The following MPHOSPH8 variants were observed in gnomAD, a reference collection of about 807,000 sequenced individuals.
MPHOSPH8 encodes the protein M-phase phosphoprotein 8, also known as M-phase phosphoprotein, mpp.
MPHOSPH8 carries 45 observed loss-of-function variants against 87.3 expected under a neutral mutation model. That is an observed-to-expected ratio of 0.52 (90% CI 0.41 to 0.66). The LOEUF (loss-of-function observed/expected upper bound fraction) is 0.66, where lower values mean the gene tolerates loss of function less well. Among genes scored for constraint, MPHOSPH8 ranks in the 30% least tolerant of loss-of-function variants. MPHOSPH8 has a pLI of 0.00. For missense variants in MPHOSPH8, 883 were observed against 1,020.2 expected (o/e 0.87, Z 1.83); for synonymous variants, 366 against 376.9 (o/e 0.97, Z 0.33).
intron 5 of MPHOSPH8, among the ~76,000 whole-genome samples, chr13:19,652,624 A>G (rs1430022488): frequency 1.3e-5 from 2 of 152,094 alleles, no homozygotes; most frequent in African/African-American, 2.4e-5. Context: ...CAGGGAGCCA[A>G]GTGGTCTGGC....
chr13:19,655,842 C>A (rs950788059), intron 5 of MPHOSPH8, among the ~76,000 whole-genome samples: 1 of 152,128 alleles, frequency 6.6e-6, no homozygotes, highest in Non-Finnish European at 1.5e-5. Context: ...GTCACCCAGG[C>A]GGGATGCCTC....
intron 2 of MPHOSPH8, among the ~76,000 whole-genome samples, chr13:19,645,792 C>CAA (rs1301979430): frequency 6.6e-6 from 1 of 151,540 alleles, no homozygotes; most frequent in African/African-American, 2.4e-5. Flanking sequence ...TCTCTACCCC[C>CAA]AAGTCATTTA....
At chr13:19,634,634 A>G (rs1415794305) in intron 1 of MPHOSPH8, among the ~76,000 whole-genome samples, 1 of 151,908 alleles carries the variant, frequency 6.6e-6, no homozygotes, top group Non-Finnish European at 1.5e-5. Context: ...TCTCTGGGAA[A>G]GCTTTTTTTG....
chr13:19,661,846 G>A lies in MPHOSPH8; in HGVS notation c.1932+8G>A. 2 of 1,599,712 alleles carry A rather than the reference G, an allele frequency of 1.3e-6. No individual in the cohort carries two copies. Among genetic ancestry groups the A allele is most frequent in the Non-Finnish European group, 1.7e-6 (2 of 1,171,982 alleles). On this transcript the variant is annotated splice_region_variant and intron_variant, in intron 8 of 13. Coordinates refer to ENST00000361479, the MANE Select transcript of MPHOSPH8 (RefSeq NM_017520.4). ...ATTCATGCTGCAGAGAAGGTTTGTGGCTTCTTATGCATCAGTTTCAGAGCT... is the reference window on the plus strand; with the variant it reads ...ATTCATGCTGCAGAGAAGGTTTGTGACTTCTTATGCATCAGTTTCAGAGCT...
intron 10 of MPHOSPH8, 44 bp downstream of exon 10, chr13:19,666,623 C>T (rs1037532377): frequency 6.6e-6 from 10 of 1,520,416 alleles, no homozygotes; most frequent in East Asian, 2.3e-5. Context: ...ACATATCATA[C>T]ATCTGTTTAT....
In MPHOSPH8 at chr13:19,659,198, T is replaced by C. The variant is rs756517272; in HGVS notation, c.1703-3T>C. The stretch of plus-strand genomic sequence containing the variant: ...ATCTAACTTATTTTTTCTTTCATTT[T>C]AGATGTGTTAAGGGATGCTGTGAAA... On this transcript the variant is annotated splice_polypyrimidine_tract_variant and splice_region_variant and intron_variant, in intron 6 of 13. Coordinates refer to ENST00000361479, the MANE Select transcript of MPHOSPH8 (RefSeq NM_017520.4). 2 of 1,609,936 alleles carry C rather than the reference T, an allele frequency of 1.2e-6. No individual in the cohort carries two copies. Among genetic ancestry groups the C allele is most frequent in the Admixed American group, 3.4e-5 (2 of 59,052 alleles).
At chr13:19,645,199 C>T (rs1448836713) in intron 2 of MPHOSPH8, among the ~76,000 whole-genome samples, 1 of 152,160 alleles carries the variant, frequency 6.6e-6, no homozygotes, top group Non-Finnish European at 1.5e-5. Flanking sequence ...GCAGCAGCAG[C>T]CTGGGCTTTT....
rs1445470992 is a variant in MPHOSPH8 at position 19,671,984 on chromosome 13, C to G, written c.*109C>G. The G allele has an allele frequency of 1.9e-5, 22 of 1,132,724 alleles. 1 individual carries two copies. Among genetic ancestry groups the G allele is most frequent in the Non-Finnish European group, 2.9e-5 (22 of 761,846 alleles). The allele number at this position is 1,132,724 out of a possible 1,614,324, so 70.2% of individuals were successfully genotyped here. A position where few individuals can be genotyped will look rare whatever the true frequency, so the allele number is the denominator to read the frequency against. ...TCTATGTAAAGTTTTGTCTGTAAAC[C>G]TCTTGCAGTTAAGCCTGTTGTCTGT... is the stretch of plus-strand genomic sequence containing the variant. On this transcript the variant is annotated 3_prime_UTR_variant, in exon 14 of 14. Coordinates refer to ENST00000361479, the MANE Select transcript of MPHOSPH8 (RefSeq NM_017520.4).
At chr13:19,660,894 T>C in intron 7 of MPHOSPH8, 1 of 983,194 alleles carries the variant, frequency 1.0e-6, no homozygotes, top group Non-Finnish European at 1.2e-6. Flanking sequence ...CCCCCAAAAA[T>C]TCACTGTTCA....
At chr13:19,660,270 G>A (rs761386582) in intron 7 of MPHOSPH8, among the ~76,000 whole-genome samples, 9 of 151,790 alleles carry the variant, frequency 5.9e-5, no homozygotes, top group African/African-American at 1.5e-4. Context: ...GCCTGGCCAC[G>A]TATGGATTTT....
At position 19,633,743 on chromosome 13, in the gene MPHOSPH8, G is replaced by T. The variant is rs751021593; in HGVS notation, c.-6G>T. 5.0e-6 allele frequency: 8 copies of T among 1,584,772 alleles called. No individual in the cohort carries two copies. The East Asian group carries it at 1.8e-4, about 36-fold the overall frequency. ...GTTTTCCTCGGCGGTTTGCGGAGCT[G>T]CTAGGATGGAGCAGGTTGCGGAGGG... On this transcript the variant is annotated 5_prime_UTR_variant, in exon 1 of 14. Transcript: ENST00000361479.
intron 5 of MPHOSPH8, among the ~76,000 whole-genome samples, chr13:19,656,277 CAAAAAAAAAAAA>C (rs71198922): frequency 1.4e-5 from 1 of 72,246 alleles, no homozygotes; most frequent in Admixed American, 2.0e-4. Flanking sequence ...AGACTGTTGT[CAAAAAAAAAAAA>C]AAAAAAAAAA....
chr13:19,670,025 C>G (rs1295856242), intron 11 of MPHOSPH8, among the ~76,000 whole-genome samples: 1 of 152,170 alleles, frequency 6.6e-6, no homozygotes, highest in Admixed American at 6.5e-5. Context: ...GCAGAGATTA[C>G]TTGGGCAAAA....
intron 5 of MPHOSPH8, among the ~76,000 whole-genome samples, chr13:19,655,426 C>G (rs952337177): frequency 1.3e-5 from 2 of 152,190 alleles, no homozygotes; most frequent in African/African-American, 4.8e-5. Flanking sequence ...CATGATAACA[C>G]CACTGTACTC....
intron 5 of MPHOSPH8, among the ~76,000 whole-genome samples, chr13:19,650,913 G>A (rs1874813620): frequency 6.6e-6 from 1 of 152,214 alleles, no homozygotes; most frequent in South Asian, 2.1e-4. Flanking sequence ...GATACCGAGG[G>A]AAAATGTGCT....
chr13:19,659,600 G>T, intron 7 of MPHOSPH8: 1 of 394,434 alleles, frequency 2.5e-6, no homozygotes, highest in South Asian at 2.2e-5. Flanking sequence ...GGAGGTCAAG[G>T]CTGTGGTAAG....
In MPHOSPH8 at chr13:19,633,704, G is replaced by C; in HGVS notation, c.-45G>C. 2 of 1,550,612 alleles carry C rather than the reference G, an allele frequency of 1.3e-6. No homozygotes were observed. The highest frequency in any genetic ancestry group is 4.8e-5 in the East Asian group (2 of 41,556). On this transcript the variant is annotated 5_prime_UTR_variant, in exon 1 of 14. Transcript: ENST00000361479. The stretch of plus-strand genomic sequence containing the variant: ...GCGGAACGCGAGGGGCTGCTGGGGT[G>C]TTTGTCGCAGCGGGTTTTCCTCGGC...
chr13:19,670,266 C>A lies in MPHOSPH8; in HGVS notation c.2360C>A (p.Ala787Glu). The change falls in exon 12 of 14, where the codon GCA becomes GAA. Residue 787 changes from alanine (A) to glutamate (E), a missense_variant. Ala to Glu is a moderately radical substitution (Grantham distance 107). This residue lies in a region of MPHOSPH8 where 741 missense variants were observed against 841.5 expected (regional missense o/e 0.88). Transcript: ENST00000361479. ...GSGILLFIFH[A>E]NFLGKEVIAR... ...GGCATCCTGCTGTTTATCTTCCATG[C>A]AAACTTTTTGGGTAAAGAAGTTATT... The A allele has an allele frequency of 1.2e-6, 2 of 1,614,178 alleles. No homozygotes were observed. The highest frequency in any genetic ancestry group is 1.1e-5 in the South Asian group (1 of 91,086).
intron 4 of MPHOSPH8, among the ~76,000 whole-genome samples, chr13:19,648,764 T>C (rs1874699733): frequency 2.0e-5 from 3 of 152,124 alleles, no homozygotes. Context: ...AATATATTCA[T>C]TATATGTAAC....
Sources: gnomAD v4.1 joint callset for allele counts (sites outside exome capture counted in the v4.1 genomes callset) on GRCh38, gnomAD v4.1.1 for gene constraint, gnomAD v4.1.1 regional missense constraint, MANE v1.5 for transcripts, NCBI Gene and HGNC (gene_info 2026-07-23, HGNC 2026-07-21) for gene names.